The following PCCA variants were observed in gnomAD, a reference collection of about 807,000 sequenced individuals.
PCCA encodes the protein propionyl-CoA carboxylase alpha chain, mitochondrial.
In PCCA, 74 loss-of-function variants were observed where a neutral mutation model predicts 101.3. The ratio of observed to expected loss-of-function variants is 0.73; its 90% CI spans 0.61 to 0.89. PCCA has a LOEUF of 0.89. PCCA is among the 40% of genes least tolerant of loss of function. The pLI, the probability that PCCA is intolerant of heterozygous loss-of-function variation, is 0.00. For missense variants in PCCA, 891 were observed against 907.0 expected (o/e 0.98, Z 0.23); for synonymous variants, 294 against 313.6 (o/e 0.94, Z 0.66).
intron 4 of PCCA, among the ~76,000 whole-genome samples, chr13:100,126,615 T>G (rs907315833): frequency 2.0e-5 from 3 of 152,154 alleles, no homozygotes; most frequent in Non-Finnish European, 4.4e-5. Flanking sequence ...CCCAGCATGG[T>G]TGGGGTTATC....
chr13:100,155,292 C>T (rs2053765337), intron 5 of PCCA, among the ~76,000 whole-genome samples, 200 bp downstream of exon 5: 1 of 152,202 alleles, frequency 6.6e-6, no homozygotes, highest in Non-Finnish European at 1.5e-5. Context: ...GGTTGCTGAT[C>T]CTGCAGGTGG....
intron 7 of PCCA, among the ~76,000 whole-genome samples, chr13:100,211,567 T>C (rs1183780394): frequency 1.3e-5 from 2 of 152,202 alleles, no homozygotes; most frequent in Non-Finnish European, 2.9e-5. Context: ...TTTTGGCTTT[T>C]TTGAATGCCA....
At chr13:100,279,097 T>C (rs916964419) in intron 12 of PCCA, among the ~76,000 whole-genome samples, 1 of 152,180 alleles carries the variant, frequency 6.6e-6, no homozygotes, top group Admixed American at 6.5e-5. Context: ...CACTAATACC[T>C]GCGCTTAGCA....
intron 4 of PCCA, among the ~76,000 whole-genome samples, chr13:100,152,060 G>A (rs551442518): frequency 1.3e-5 from 2 of 152,292 alleles, no homozygotes; most frequent in East Asian, 3.9e-4. Flanking sequence ...AGTTTCAAAA[G>A]TTTGTTAGAT....
intron 4 of PCCA, among the ~76,000 whole-genome samples, chr13:100,120,243 A>G (rs1253752480): frequency 6.9e-6 from 1 of 145,100 alleles, no homozygotes; most frequent in Non-Finnish European, 1.5e-5. Context: ...CAGTGGTGTG[A>G]TCATAGCAAA....
intron 6 of PCCA, among the ~76,000 whole-genome samples, chr13:100,183,283 C>T (rs188525418): frequency 6.6e-6 from 1 of 152,262 alleles, no homozygotes. Flanking sequence ...GTATCATTAG[C>T]GTTACAAAGT....
intron 18 of PCCA, among the ~76,000 whole-genome samples, chr13:100,365,552 AT>A (rs2075079828): frequency 6.6e-6 from 1 of 152,202 alleles, no homozygotes; most frequent in Non-Finnish European, 1.5e-5. Context: ...AGCATATGAC[AT>A]AGATTAAATG....
chr13:100,385,514 A>G (rs2152833868), intron 19 of PCCA, among the ~76,000 whole-genome samples: 1 of 152,374 alleles, frequency 6.6e-6, no homozygotes, highest in Middle Eastern at 3.4e-3. Context: ...TATGATAAAA[A>G]GTGCTAAAAG....
chr13:100,150,762 C>T, intron 4 of PCCA: 2 of 1,590,238 alleles, frequency 1.3e-6, no homozygotes, highest in Admixed American at 3.3e-5. Flanking sequence ...ACTCTCAAAG[C>T]CCCACAGTGG....
chr13:100,105,954 T>C (rs1158017115), intron 2 of PCCA, among the ~76,000 whole-genome samples: 1 of 151,888 alleles, frequency 6.6e-6, no homozygotes, highest in African/African-American at 2.4e-5. Context: ...TATTGGCTAT[T>C]GCTTTAGGGA....
chr13:100,250,565 A>G (rs958543419), intron 8 of PCCA, among the ~76,000 whole-genome samples: 2 of 151,922 alleles, frequency 1.3e-5, no homozygotes, highest in Admixed American at 1.3e-4. Context: ...TAATAGCTGT[A>G]ACTTATAATA....
chr13:100,507,173 CAG>C (rs1490001662), intron 21 of PCCA, among the ~76,000 whole-genome samples: 1 of 152,180 alleles, frequency 6.6e-6, no homozygotes, highest in Non-Finnish European at 1.5e-5. Flanking sequence ...CCTGATCAAA[CAG>C]AATGCACATG....
At chr13:100,460,071 T>C (rs190358557) in intron 21 of PCCA, among the ~76,000 whole-genome samples, 11 of 152,366 alleles carry the variant, frequency 7.2e-5, no homozygotes, top group Admixed American at 2.0e-4. Context: ...ATACATTTGG[T>C]TGGTAAGCTG....
At chr13:100,133,577 T>G (rs1321425708) in intron 4 of PCCA, among the ~76,000 whole-genome samples, 1 of 152,320 alleles carries the variant, frequency 6.6e-6, no homozygotes, top group East Asian at 1.9e-4. Flanking sequence ...GCAGTCGGTT[T>G]TTTTGTTTTT....
intron 21 of PCCA, among the ~76,000 whole-genome samples, chr13:100,507,759 C>T (rs566534737): frequency 2.2e-4 from 33 of 152,002 alleles, no homozygotes; most frequent in South Asian, 4.2e-4. Context: ...CAGGTTCAAG[C>T]GATTCTTCTG....
intron 18 of PCCA, among the ~76,000 whole-genome samples, chr13:100,344,890 A>G (rs964794076): frequency 9.9e-5 from 15 of 152,160 alleles, no homozygotes; most frequent in Non-Finnish European, 2.1e-4. Context: ...AGACTTCATC[A>G]TTATTATCAT....
At chr13:100,143,554 A>G (rs1266417516) in intron 4 of PCCA, among the ~76,000 whole-genome samples, 1 of 150,380 alleles carries the variant, frequency 6.6e-6, no homozygotes, top group Admixed American at 6.6e-5. Flanking sequence ...AAAAAAATAA[A>G]AAAAAAAAAT....
chr13:100,273,391 AC>A (rs2063439148), intron 12 of PCCA, 45 bp downstream of exon 12: 1 of 1,481,490 alleles, frequency 6.7e-7, no homozygotes, highest in African/African-American at 1.4e-5. Context: ...TCTGTACTTT[AC>A]CCTTCCTTCT....
At chr13:100,529,573 C>A (rs539129728) in intron 23 of PCCA, among the ~76,000 whole-genome samples, 33 of 152,324 alleles carry the variant, frequency 2.2e-4, no homozygotes, top group African/African-American at 7.5e-4. Flanking sequence ...CACAGCCCCA[C>A]CTGCCAAGGA....
Sources: gnomAD v4.1 joint callset for allele counts (sites outside exome capture counted in the v4.1 genomes callset) on GRCh38, gnomAD v4.1.1 for gene constraint, MANE v1.5 for transcripts, NCBI Gene and HGNC (gene_info 2026-07-23, HGNC 2026-07-21) for gene names.